The following INPP5B variants were observed in gnomAD, a reference collection of about 807,000 sequenced individuals.
The protein encoded by INPP5B is inositol polyphosphate-5-phosphatase B.
INPP5B carries 90 observed loss-of-function variants against 118.5 expected under a neutral mutation model. That is an observed-to-expected ratio of 0.76 (90% confidence interval 0.64 to 0.90). The LOEUF (loss-of-function observed/expected upper bound fraction) is 0.90. Among genes scored for constraint, INPP5B ranks in the 40% least tolerant of loss-of-function variants. The probability of loss-of-function intolerance (pLI) is 0.00; values close to 1 mark genes in which losing one functional copy is unlikely to be tolerated. For synonymous variants in INPP5B, 385 were observed against 418.9 expected (o/e 0.92, Z 0.99); for missense variants, 984 against 1,125.6 (o/e 0.87, Z 1.80).
intron 7 of INPP5B, among the ~76,000 whole-genome samples, chr1:37,910,359 T>C (rs1644653456): frequency 6.6e-6 from 1 of 152,130 alleles, no homozygotes. Flanking sequence ...TGGAAAACAT[T>C]CTTTTATGCA....
intron 7 of INPP5B, among the ~76,000 whole-genome samples, chr1:37,891,911 T>C (rs1643864800): frequency 6.6e-6 from 1 of 152,254 alleles, no homozygotes; most frequent in African/African-American, 2.4e-5. Context: ...TGCTGATGTC[T>C]GGGTGAAGTC....
At chr1:37,887,661 T>C (rs1474851973) in intron 10 of INPP5B, among the ~76,000 whole-genome samples, 196 bp from the exon 11 acceptor site, 2 of 152,204 alleles carry the variant, frequency 1.3e-5, no homozygotes, top group Admixed American at 1.3e-4. Flanking sequence ...AAAACCCATT[T>C]TCTTTTCATG....
At chr1:37,920,942 T>C (rs1323134428) in intron 7 of INPP5B, among the ~76,000 whole-genome samples, 3 of 151,950 alleles carry the variant, frequency 2.0e-5, no homozygotes, top group Admixed American at 6.6e-5. Flanking sequence ...CTGTCTCTAC[T>C]AAAAATTCAA....
chr1:37,888,573 C>T (rs920621076), intron 9 of INPP5B, among the ~76,000 whole-genome samples: 6 of 152,226 alleles, frequency 3.9e-5, no homozygotes, highest in African/African-American at 4.8e-5. Context: ...AGGCCTACTC[C>T]GAACATTCCC....
intron 7 of INPP5B, chr1:37,931,350 C>A: frequency 8.6e-7 from 1 of 1,159,168 alleles, no homozygotes; most frequent in Non-Finnish European, 1.2e-6. Flanking sequence ...GATTGAAGAG[C>A]AAGCTCAGAT....
At chr1:37,909,289 C>G (rs1187605700) in intron 7 of INPP5B, among the ~76,000 whole-genome samples, 2 of 152,112 alleles carry the variant, frequency 1.3e-5, no homozygotes, top group Non-Finnish European at 1.5e-5. Context: ...TCCTTTTCTA[C>G]AGACCCATCT....
chr1:37,894,314 C>A (rs1311274918), intron 7 of INPP5B, among the ~76,000 whole-genome samples: 1 of 152,064 alleles, frequency 6.6e-6, no homozygotes, highest in East Asian at 1.9e-4. Context: ...GGTTAGATGC[C>A]CTGACATTGG....
intron 3 of INPP5B, among the ~76,000 whole-genome samples, chr1:37,944,323 G>A (rs1646040177): frequency 6.6e-6 from 1 of 152,154 alleles, no homozygotes; most frequent in African/African-American, 2.4e-5. Context: ...CCAGCTATGA[G>A]ACCTTTGACA....
chr1:37,922,105 G>A (rs1197686310), intron 7 of INPP5B, among the ~76,000 whole-genome samples: 2 of 152,194 alleles, frequency 1.3e-5, no homozygotes, highest in Admixed American at 6.5e-5. Context: ...AGGAGGCTGA[G>A]GCAGGAGAAC....
chr1:37,940,437 G>C (rs1255440296), intron 6 of INPP5B, among the ~76,000 whole-genome samples: 1 of 152,152 alleles, frequency 6.6e-6, no homozygotes, highest in Non-Finnish European at 1.5e-5. Context: ...AACCTATCCT[G>C]TGCAACCCTG....
chr1:37,933,175 G>A (rs926587307), intron 6 of INPP5B, among the ~76,000 whole-genome samples: 2 of 152,090 alleles, frequency 1.3e-5, no homozygotes, highest in Non-Finnish European at 2.9e-5. Context: ...ACTTGGCCTC[G>A]TCTGATCCTC....
chr1:37,866,009 T>C (rs1385692994), intron 21 of INPP5B, 121 bp from the exon 22 acceptor site: 11 of 1,484,202 alleles, frequency 7.4e-6, no homozygotes, highest in Non-Finnish European at 9.9e-6. Flanking sequence ...AGGGCTAGGA[T>C]GCCAGCCTAA....
At chr1:37,881,215 G>A (rs751664688) in intron 14 of INPP5B, among the ~76,000 whole-genome samples, 1 of 152,174 alleles carries the variant, frequency 6.6e-6, no homozygotes, top group Non-Finnish European at 1.5e-5. Context: ...TTAGTTATGC[G>A]AACTGGGGGA....
chr1:37,913,504 C>T (rs778403295), intron 7 of INPP5B, among the ~76,000 whole-genome samples: 2 of 152,042 alleles, frequency 1.3e-5, no homozygotes, highest in African/African-American at 2.4e-5. Flanking sequence ...TTGTGTCTTC[C>T]GTTTAGTTTC....
At chr1:37,899,319 T>C (rs1206844762) in intron 7 of INPP5B, among the ~76,000 whole-genome samples, 1 of 151,866 alleles carries the variant, frequency 6.6e-6, no homozygotes, top group Non-Finnish European at 1.5e-5. Context: ...CCAACACCAC[T>C]TTGGGAGGCC....
At chr1:37,941,958 A>AAAAAAAAAAAAATATATATATAT (rs1427344681) in intron 5 of INPP5B, 2 of 30,386 alleles carry the variant, frequency 6.6e-5, no homozygotes, top group East Asian at 9.6e-4. Context: ...AAAAAAAAAA[A>AAAAAAAAAAAAATATATATATAT]ATATATATAT....
intron 7 of INPP5B, among the ~76,000 whole-genome samples, chr1:37,916,877 C>T (rs1458801935): frequency 6.6e-6 from 1 of 152,054 alleles, no homozygotes; most frequent in Admixed American, 6.6e-5. Flanking sequence ...ATTTCCTCCT[C>T]GAGGCCCCTT....
At chr1:37,900,595 C>T (rs1644295204) in intron 7 of INPP5B, among the ~76,000 whole-genome samples, 1 of 150,458 alleles carries the variant, frequency 6.6e-6, no homozygotes, top group African/African-American at 2.4e-5. Context: ...TCCCACAGAT[C>T]TCCATGTTTA....
intron 6 of INPP5B, among the ~76,000 whole-genome samples, chr1:37,939,783 C>A (rs1315234996): frequency 5.3e-5 from 8 of 152,108 alleles, no homozygotes; most frequent in African/African-American, 1.9e-4. Flanking sequence ...CACTCTGTTG[C>A]CCATGCTGCG....
Sources: gnomAD v4.1 joint callset for allele counts (sites outside exome capture counted in the v4.1 genomes callset) on GRCh38, gnomAD v4.1.1 for gene constraint, MANE v1.5 for transcripts, NCBI Gene and HGNC (gene_info 2026-07-23, HGNC 2026-07-21) for gene names.